GPR89B: variants seen among roughly 807,000 people sequenced by gnomAD.
The protein encoded by GPR89B is golgi pH regulator B, also known as G protein-coupled receptor 89B.
GPR89B carries 25 observed loss-of-function variants against 52.4 expected under a neutral mutation model. The ratio of observed to expected loss-of-function variants is 0.48; its 90% confidence interval spans 0.35 to 0.67. GPR89B has a LOEUF of 0.67. Among genes scored for constraint, GPR89B ranks in the 30% least tolerant of loss-of-function variants. The pLI is 0.01. For missense variants in GPR89B, 146 were observed against 450.2 expected (o/e 0.32, Z 6.11); for synonymous variants, 52 against 151.2 (o/e 0.34, Z 4.81).
At chr1:147,937,260 A>G (rs1314705991) in intron 2 of GPR89B, among the ~76,000 whole-genome samples, 1 of 151,868 alleles carries the variant, frequency 6.6e-6, no homozygotes, top group African/African-American at 2.4e-5. Flanking sequence ...TAGGGATTTC[A>G]AAAGGGGAGG....
At chr1:147,999,240 T>C in the GPR89B span, among the ~76,000 whole-genome samples, 1 of 151,738 alleles carries the variant, frequency 6.6e-6, no homozygotes, top group Non-Finnish European at 1.5e-5. Flanking sequence ...TCTGGCAGCT[T>C]CAGTTGGTTC....
intron 7 of GPR89B, among the ~76,000 whole-genome samples, chr1:147,963,743 T>C (rs1656812724): frequency 2.0e-5 from 3 of 152,062 alleles, no homozygotes; most frequent in African/African-American, 7.3e-5. Flanking sequence ...ATTGCTGGCA[T>C]CCATGTAGAA....
At chr1:147,983,910 A>G (rs1658461130) in intron 10 of GPR89B, among the ~76,000 whole-genome samples, 1 of 151,544 alleles carries the variant, frequency 6.6e-6, no homozygotes, top group South Asian at 2.1e-4. Flanking sequence ...CACAATAGCA[A>G]AGACTTGGAA....
Position 147,928,423 on chromosome 1 carries a change from G to A in GPR89B, c.-114G>A, listed in dbSNP as rs2149027580. The A allele has an allele frequency of 1.6e-6, 2 of 1,288,656 alleles. No homozygotes were observed. Among genetic ancestry groups the A allele is most frequent in the South Asian group, 1.3e-5 (1 of 78,980 alleles). The allele number at this position is 1,288,656 out of a possible 1,614,324, so 79.8% of individuals were successfully genotyped here. A position where few individuals can be genotyped will look rare whatever the true frequency, so the allele number is the denominator to read the frequency against. The stretch of plus-strand genomic sequence containing the variant: ...GACGGCGTCGGGCTGGAGAGCCGCA[G>A]TCCCGGCTGCAGCACCTGGGAGAAG... On this transcript the variant is annotated 5_prime_UTR_variant, in exon 1 of 14. Transcript: ENST00000314163.
chr1:147,970,359 G>C (rs1657324670), intron 10 of GPR89B, among the ~76,000 whole-genome samples: 1 of 151,932 alleles, frequency 6.6e-6, no homozygotes, highest in Non-Finnish European at 1.5e-5. Flanking sequence ...AGCTGGGTGT[G>C]GTGGTGGGCT....
intron 7 of GPR89B, among the ~76,000 whole-genome samples, chr1:147,962,864 C>G (rs1440994168): frequency 6.6e-6 from 1 of 151,016 alleles, no homozygotes; most frequent in Non-Finnish European, 1.5e-5. Flanking sequence ...CCATTGCCCT[C>G]CAGCCTGGGC....
At chr1:148,018,075 A>C in the GPR89B span, among the ~76,000 whole-genome samples, 1 of 147,908 alleles carries the variant, frequency 6.8e-6, no homozygotes, top group Non-Finnish European at 1.5e-5. Context: ...AATTTCAAAA[A>C]CACTATGGGA....
At chr1:147,940,468 A>T (rs2149041452) in intron 3 of GPR89B, among the ~76,000 whole-genome samples, 1 of 152,004 alleles carries the variant, frequency 6.6e-6, no homozygotes, top group Middle Eastern at 3.4e-3. Context: ...AGATCCTGTG[A>T]CTATAGAGAA....
At chr1:147,965,509 T>A (rs1656964201) in intron 7 of GPR89B, among the ~76,000 whole-genome samples, 2 of 152,162 alleles carry the variant, frequency 1.3e-5, no homozygotes, top group South Asian at 4.1e-4. Flanking sequence ...TATGTACAAA[T>A]GATCTTTTAT....
chr1:147,998,558 C>T (rs1415418305), downstream of GPR89B, among the ~76,000 whole-genome samples: 2 of 152,088 alleles, frequency 1.3e-5, no homozygotes, highest in African/African-American at 2.4e-5. Context: ...CAGCTCATCT[C>T]GAGGCAAAGT....
At chr1:148,006,165 T>C in the GPR89B span, among the ~76,000 whole-genome samples, 1 of 151,314 alleles carries the variant, frequency 6.6e-6, no homozygotes, top group East Asian at 2.0e-4. Context: ...TGAGGTCAGC[T>C]AAATGCAAAG....
chr1:148,012,564 G>A, the GPR89B span, among the ~76,000 whole-genome samples: 2 of 150,274 alleles, frequency 1.3e-5, no homozygotes, highest in African/African-American at 2.5e-5. Flanking sequence ...TCGGGTTTGG[G>A]AGAAGACCCA....
chr1:148,009,249 C>T, the GPR89B span: 15 of 1,464,884 alleles, frequency 1.0e-5, no homozygotes, highest in African/African-American at 2.8e-5. Context: ...AAAAGTCAGT[C>T]GAAGAAAAGT....
chr1:147,991,326 T>A (rs1336978714), intron 12 of GPR89B, among the ~76,000 whole-genome samples: 2 of 152,292 alleles, frequency 1.3e-5, no homozygotes, highest in Admixed American at 1.3e-4. Context: ...TGAAGTTGCT[T>A]ATCAGCTTAA....
intron 10 of GPR89B, among the ~76,000 whole-genome samples, chr1:147,982,091 G>A (rs1158593303): frequency 4.0e-4 from 59 of 148,782 alleles, no homozygotes; most frequent in South Asian, 3.9e-3. Flanking sequence ...GTGGAGTCTC[G>A]CTCTGTCGCC....
At chr1:147,965,487 CT>C (rs1656961790) in intron 7 of GPR89B, among the ~76,000 whole-genome samples, 2 of 152,110 alleles carry the variant, frequency 1.3e-5, no homozygotes, top group Non-Finnish European at 2.9e-5. Flanking sequence ...CCATTAAACC[CT>C]TTAAATCAAT....
the GPR89B span, among the ~76,000 whole-genome samples, chr1:148,012,659 CAAAAG>C: frequency 6.6e-6 from 1 of 151,880 alleles, no homozygotes; most frequent in Non-Finnish European, 1.5e-5. Flanking sequence ...AAGACAAAGA[CAAAAG>C]AGGAGAGGAA....
intron 1 of GPR89B, 119 bp downstream of exon 1, chr1:147,928,697 A>G: frequency 1.4e-6 from 2 of 1,419,076 alleles, no homozygotes; most frequent in South Asian, 2.3e-5. Flanking sequence ...GGCCTGCGCC[A>G]GTCACTCTGG....
chr1:147,928,435 G>A lies in GPR89B; in HGVS notation c.-102G>A, dbSNP rs1232688964. The A allele has an allele frequency of 1.4e-5, 20 of 1,422,078 alleles. No homozygotes were observed. In the African/African-American group the frequency reaches 1.7e-4, roughly 12 times the overall value. 88.1% of individuals were successfully genotyped at this position (1,422,078 alleles called of 1,614,324 possible). ...CTGGAGAGCCGCAGTCCCGGCTGCA[G>A]CACCTGGGAGAAGGCAGACCGTGTG... On this transcript the variant is annotated 5_prime_UTR_variant, in exon 1 of 14. Coordinates refer to ENST00000314163, the MANE Select transcript of GPR89B (RefSeq NM_016334.5).
Sources: gnomAD v4.1 joint callset for allele counts (sites outside exome capture counted in the v4.1 genomes callset) on GRCh38, gnomAD v4.1.1 for gene constraint, MANE v1.5 for transcripts, NCBI Gene and HGNC (gene_info 2026-07-23, HGNC 2026-07-21) for gene names.